ELFN1: variants seen among roughly 807,000 people sequenced by gnomAD.
ELFN1 encodes protein ELFN1.
In ELFN1, 6 loss-of-function variants were observed where a neutral mutation model predicts 7.6. The ratio of observed to expected loss-of-function variants is 0.79; its 90% CI spans 0.43 to 1.56. ELFN1 has a LOEUF of 1.56. Ranked by LOEUF, ELFN1 falls within the 40% of genes most tolerant of loss-of-function variation. The pLI, the probability that ELFN1 is intolerant of heterozygous loss-of-function variation, is 0.01. For missense variants in ELFN1, 1,169 were observed against 1,232.2 expected, an observed-to-expected ratio of 0.95 and a Z score of 0.77; for synonymous variants, 657 against 588.1, an observed-to-expected ratio of 1.12 and a Z score of -1.70.
At chr7:1,721,535 A>AG (rs1413085599) in intron 3 of ELFN1, among the ~76,000 whole-genome samples, 1 of 152,244 alleles carries the variant, frequency 6.6e-6, no homozygotes, top group East Asian at 1.9e-4. Flanking sequence ...GGCTGGAAGA[A>AG]GAACAGCTGG....
rs1191248648 is a variant in ELFN1 at position 1,718,699 on chromosome 7, G to T, written c.-294+9447G>T. Among the ~76,000 whole-genome samples, 3 of 152,118 alleles carry T rather than the reference G, an allele frequency of 2.0e-5. No individual in the cohort carries two copies. The East Asian group carries it at 5.8e-4, about 29-fold the overall frequency. ...ACTCTCCCATCTGTGTTCTGGCTGG[G>T]GAAGCTGAGGTCCTCGGTCACACTC... On this transcript the variant is annotated intron_variant, in intron 3 of 3. Transcript: ENST00000424383.
intron 3 of ELFN1, among the ~76,000 whole-genome samples, chr7:1,732,223 A>G (rs774995186): frequency 8.5e-5 from 13 of 152,070 alleles, no homozygotes; most frequent in Non-Finnish European, 1.8e-4. Flanking sequence ...GAGTGGGGGA[A>G]CATTGGGGTG....
At chr7:1,685,561 A>AT (rs952195943) in intron 1 of ELFN1, among the ~76,000 whole-genome samples, 8 of 150,746 alleles carry the variant, frequency 5.3e-5, no homozygotes, top group South Asian at 2.1e-4. Flanking sequence ...AAGCACACTA[A>AT]TTTTTTTTTG....
In ELFN1 at chr7:1,695,761, A is replaced by AAC; in HGVS notation, c.-456+7612_-456+7613insCA. On this transcript the variant is annotated intron_variant, in intron 2 of 3. Transcript: ENST00000424383. This position sits in a 1 kb window ranked among gnomAD's most constrained non-coding sequence, Gnocchi z 5.1. The stretch of plus-strand genomic sequence containing the variant: ...AGACTCCGTGTCAAAAAAAAAAAAA[A>AAC]AAAAAAAAAAACCGTGCTGGTTTGG... Among the ~76,000 whole-genome samples the AAC allele has an allele frequency of 6.6e-6, 1 of 150,642 alleles. No homozygotes were observed. The highest frequency in any genetic ancestry group is 1.9e-4 in the East Asian group (1 of 5,150).
chr7:1,671,271 T>C (rs1396898224), intron 1 of ELFN1, among the ~76,000 whole-genome samples: 1 of 151,998 alleles, frequency 6.6e-6, no homozygotes, highest in Admixed American at 6.6e-5. Context: ...AGCCTCAGTT[T>C]CCACACCTGT....
intron 3 of ELFN1, among the ~76,000 whole-genome samples, chr7:1,718,187 C>T (rs563036873): frequency 6.6e-6 from 1 of 152,214 alleles, no homozygotes; most frequent in Non-Finnish European, 1.5e-5. Flanking sequence ...CAGTGGAACA[C>T]TTCAACTCCA....
rs1308807500 is a variant in ELFN1, at chr7:1,744,568, G to A, written c.-29G>A. 6.8e-7 allele frequency: 1 copy of A among 1,467,508 alleles called. No individual in the cohort carries two copies. The highest frequency in any genetic ancestry group is 9.0e-7 in the Non-Finnish European group (1 of 1,114,110). The allele number at this position is 1,467,508 out of a possible 1,614,324, so 90.9% of individuals were successfully genotyped here. ...CCCACCTGGTCCCCCTGGGCAGGCTGAATTGGGGCTCCCTGCAGGGCGGTC... is the reference window on the plus strand; with the variant it reads ...CCCACCTGGTCCCCCTGGGCAGGCTAAATTGGGGCTCCCTGCAGGGCGGTC... On this transcript the variant is annotated 5_prime_UTR_variant, in exon 4 of 4. Transcript: ENST00000424383.
chr7:1,694,693 G>C (rs561269894), intron 2 of ELFN1, among the ~76,000 whole-genome samples: 1 of 152,292 alleles, frequency 6.6e-6, no homozygotes, highest in African/African-American at 2.4e-5. Flanking sequence ...CAGGAGCGAG[G>C]GTATGAGACA....
chr7:1,668,143 C>T (rs1420342776), upstream of ELFN1, among the ~76,000 whole-genome samples: 2 of 152,368 alleles, frequency 1.3e-5, no homozygotes, highest in East Asian at 3.9e-4. Flanking sequence ...CTCAAGTTGA[C>T]CTCTGAGGTT....
At position 1,744,521 on chromosome 7, in the gene ELFN1, T is replaced by G. The variant is rs958806050; in HGVS notation, c.-76T>G. On this transcript the variant is annotated 5_prime_UTR_variant, in exon 4 of 4. Transcript: ENST00000424383. ...CCTCCCCCTCCCGCCCCTCCATCCC[T>G]CTGGGGGCTGGCGCCTGGCCCCCCA... 2.6e-4 allele frequency: 359 copies of G among 1,397,912 alleles called. No homozygotes were observed. Among genetic ancestry groups the G allele is most frequent in the Non-Finnish European group, 3.1e-4 (331 of 1,071,102 alleles). The allele number at this position is 1,397,912 out of a possible 1,614,324, so 86.6% of individuals were successfully genotyped here. A position where few individuals can be genotyped will look rare whatever the true frequency, so the allele number is the denominator to read the frequency against.
intron 1 of ELFN1, among the ~76,000 whole-genome samples, chr7:1,683,557 A>G (rs1562358282): frequency 6.6e-6 from 1 of 152,200 alleles, no homozygotes; most frequent in Non-Finnish European, 1.5e-5. Context: ...CAGTTAGGTC[A>G]AGTTGGCGGT....
chr7:1,686,681 C>G (rs1263310484), intron 1 of ELFN1, among the ~76,000 whole-genome samples: 1 of 152,036 alleles, frequency 6.6e-6, no homozygotes, highest in Non-Finnish European at 1.5e-5. Flanking sequence ...CAGGCCTGAC[C>G]TGGTTTCTAC....
chr7:1,682,708 G>A (rs755577788), intron 1 of ELFN1, among the ~76,000 whole-genome samples: 8 of 151,580 alleles, frequency 5.3e-5, no homozygotes, highest in Non-Finnish European at 1.0e-4. Flanking sequence ...GCCTCTTGGA[G>A]CACTTTTATT....
In ELFN1 at chr7:1,746,962, A is replaced by C; in HGVS notation, c.2366A>C (p.Glu789Ala). ...RFRLSRRRHKEEEEFMAAGHA... is the reference protein window; with the variant it reads ...RFRLSRRRHKAEEEFMAAGHA... ...AGACTGAGCCGCCGGCGGCACAAGG[A>C]GGAAGAGGAGTTCATGGCCGCGGGC... The change falls in exon 4 of 4, where the codon GAG becomes GCG. Residue 789 changes from glutamate to alanine, a missense_variant. By Grantham distance (107) the Glu-to-Ala change is moderately radical. This residue lies in a region of ELFN1 where 914 missense variants were observed against 872.6 expected (regional missense o/e 1.05). Coordinates refer to ENST00000424383, the MANE Select transcript of ELFN1 (RefSeq NM_001128636.4). 6.4e-7 allele frequency: 1 copy of C among 1,553,666 alleles called. No homozygotes were observed. Among genetic ancestry groups the C allele is most frequent in the South Asian group, 1.2e-5 (1 of 83,762 alleles).
intron 2 of ELFN1, among the ~76,000 whole-genome samples, chr7:1,696,920 A>G (rs1165064078): frequency 1.3e-5 from 2 of 152,190 alleles, no homozygotes; most frequent in African/African-American, 4.8e-5. Context: ...CATTAGGAAA[A>G]CAACGAGGGC....
Position 1,695,149 on chromosome 7 carries a change from T to C in ELFN1, c.-456+6999T>C, listed in dbSNP as rs572985119. Among the ~76,000 whole-genome samples, 1 of 152,318 alleles carries C rather than the reference T, an allele frequency of 6.6e-6. No individual in the cohort carries two copies. Among genetic ancestry groups the C allele is most frequent in the African/African-American group, 2.4e-5 (1 of 41,574 alleles). ...CACATGGTGGGACCTGCTCTGTGGC[T>C]CCAGAGCTCATGCGCAGCCCGCTGG... On this transcript the variant is annotated intron_variant, in intron 2 of 3. Coordinates refer to ENST00000424383, the MANE Select transcript of ELFN1 (RefSeq NM_001128636.4). The surrounding 1 kb of genome is among the most constrained non-coding windows in gnomAD (Gnocchi z 5.1).
intron 3 of ELFN1, among the ~76,000 whole-genome samples, chr7:1,711,682 C>T (rs1007144508): frequency 4.6e-5 from 7 of 151,010 alleles, no homozygotes; most frequent in African/African-American, 1.2e-4. Context: ...TTCAGTTCTT[C>T]GTGTATTCAT....
intron 3 of ELFN1, among the ~76,000 whole-genome samples, chr7:1,743,557 G>C (rs929472485): frequency 6.6e-6 from 1 of 152,208 alleles, no homozygotes; most frequent in African/African-American, 2.4e-5. Context: ...GGAAACTGAG[G>C]CCCAGAGGGG....
At chr7:1,671,599 A>C (rs369778248) in intron 1 of ELFN1, among the ~76,000 whole-genome samples, 1 of 152,202 alleles carries the variant, frequency 6.6e-6, no homozygotes, top group Non-Finnish European at 1.5e-5. Context: ...AGAGGCCCCC[A>C]GCCTCCAAAG....
Sources: gnomAD v4.1 joint callset for allele counts (sites outside exome capture counted in the v4.1 genomes callset) on GRCh38, gnomAD v4.1.1 for gene constraint, gnomAD v4.1.1 regional missense constraint, Gnocchi (gnomAD v3.1) non-coding constraint, MANE v1.5 for transcripts, NCBI Gene and HGNC (gene_info 2026-07-23, HGNC 2026-07-21) for gene names.